ZNF732: variants seen among roughly 807,000 people sequenced by gnomAD.
ZNF732 encodes the protein zinc finger protein LOC654254.
ZNF732 carries 12 observed loss-of-function variants against 11.5 expected under a neutral mutation model. That is an observed-to-expected ratio of 1.05 (90% CI 0.67 to 1.70). The LOEUF is 1.70. Among genes scored for constraint, ZNF732 ranks in the 40% most tolerant of loss-of-function variants. The pLI is 0.00. For synonymous variants in ZNF732, 231 were observed against 236.5 expected, an observed-to-expected ratio of 0.98 and a Z score of 0.21; for missense variants, 702 against 676.9, an observed-to-expected ratio of 1.04 and a Z score of -0.41.
At chr4:279,386 C>T (rs1281382128) in intron 3 of ZNF732, among the ~76,000 whole-genome samples, 4 of 150,770 alleles carry the variant, frequency 2.7e-5, no homozygotes, top group Non-Finnish European at 5.9e-5. Flanking sequence ...GCAGAGCTTG[C>T]AGTGAGCCAA....
chr4:303,912 CTAAA>C (rs1553843954), intron 1 of ZNF732, among the ~76,000 whole-genome samples: 1 of 152,078 alleles, frequency 6.6e-6, no homozygotes, highest in Admixed American at 6.6e-5. Context: ...GCAGGACTGA[CTAAA>C]TAAAAGACTA....
intron 1 of ZNF732, among the ~76,000 whole-genome samples, chr4:304,811 G>C (rs1312650503): frequency 1.3e-5 from 2 of 152,248 alleles, no homozygotes; most frequent in African/African-American, 4.8e-5. Context: ...GCGGGCGGGT[G>C]ATTTGCTTCG....
At chr4:274,429 T>C (rs1268903393) in intron 3 of ZNF732, among the ~76,000 whole-genome samples, 2 of 151,044 alleles carry the variant, frequency 1.3e-5, no homozygotes, top group Non-Finnish European at 3.0e-5. Context: ...AATACAAAAA[T>C]AAAAAAGACT....
intron 3 of ZNF732, among the ~76,000 whole-genome samples, chr4:291,153 T>C (rs1553841298): frequency 6.6e-6 from 1 of 152,196 alleles, no homozygotes; most frequent in Admixed American, 6.5e-5. Context: ...TGCATATATA[T>C]GAAACCCTAG....
intron 1 of ZNF732, among the ~76,000 whole-genome samples, chr4:304,379 G>A (rs1210644241): frequency 1.3e-5 from 2 of 151,974 alleles, no homozygotes; most frequent in African/African-American, 2.4e-5. Flanking sequence ...ACCCGGCCGC[G>A]CCTCCCGCAG....
chr4:271,981 A>G lies in ZNF732; in HGVS notation c.876T>C (p.Asn292=). Residue 292 remains asparagine (N), a synonymous_variant, in exon 4 of 4, where the codon AAT becomes AAC. Coordinates refer to ENST00000419098, the MANE Select transcript of ZNF732 (RefSeq NM_001137608.3). ...ECGKIITSSS[N]VAKHKKIHTG... ...TATGAATTTTCTTATGTTTGGCAAC[A>G]TTTGAGGATGAGGTAATGATTTTGC... 5.0e-6 allele frequency: 8 copies of G among 1,607,292 alleles called. No individual in the cohort carries two copies. The highest frequency in any genetic ancestry group is 6.8e-6 in the Non-Finnish European group (8 of 1,176,696).
intron 3 of ZNF732, among the ~76,000 whole-genome samples, chr4:275,461 A>G (rs985900906): frequency 2.6e-5 from 4 of 151,728 alleles, no homozygotes; most frequent in Non-Finnish European, 4.4e-5. Context: ...CAAAAACAGA[A>G]GCAATCTCAG....
chr4:301,245 T>C (rs1292466825), intron 1 of ZNF732, among the ~76,000 whole-genome samples: 4 of 152,102 alleles, frequency 2.6e-5, no homozygotes, highest in African/African-American at 7.2e-5. Flanking sequence ...TGTGGAGAAA[T>C]AGGAACACTT....
rs782379891 is a variant in ZNF732 at position 305,314 on chromosome 4, C to T, written c.-4G>A. 6.2e-7 allele frequency: 1 copy of T among 1,607,962 alleles called. No homozygotes were observed. The highest frequency in any genetic ancestry group is 8.5e-7 in the Non-Finnish European group (1 of 1,179,812). On this transcript the variant is annotated 5_prime_UTR_variant, in exon 1 of 4. Coordinates refer to ENST00000419098, the MANE Select transcript of ZNF732 (RefSeq NM_001137608.3). ...GCCCTGCCCCCACACTCACCATTTCCCCACTTCAGGGGTGTAGCGGAGTCT... is the reference window on the plus strand; with the variant it reads ...GCCCTGCCCCCACACTCACCATTTCTCCACTTCAGGGGTGTAGCGGAGTCT...
intron 1 of ZNF732, among the ~76,000 whole-genome samples, chr4:302,919 T>A (rs546742366): frequency 6.6e-6 from 1 of 152,308 alleles, no homozygotes; most frequent in Non-Finnish European, 1.5e-5. Context: ...TCCACCTGAG[T>A]TGACTCTCCC....
intron 2 of ZNF732, 64 bp from the exon 3 acceptor site, chr4:295,597 T>C (rs1719932224): frequency 1.5e-6 from 2 of 1,311,434 alleles, no homozygotes; most frequent in Non-Finnish European, 2.1e-6. Flanking sequence ...CCTAATACTA[T>C]ACTAAGTAGA....
chr4:299,416 C>CATATGTGTAT (rs1720041985), intron 1 of ZNF732, among the ~76,000 whole-genome samples: 1 of 56,234 alleles, frequency 1.8e-5, no homozygotes, highest in Non-Finnish European at 3.7e-5. Context: ...TATATATATA[C>CATATGTGTAT]ACATATATAC....
intron 1 of ZNF732, among the ~76,000 whole-genome samples, chr4:298,868 C>A (rs1243830211): frequency 2.0e-5 from 3 of 152,192 alleles, no homozygotes; most frequent in African/African-American, 7.2e-5. Context: ...TGAACTCCCA[C>A]TGCTAAGGTG....
chr4:289,533 T>A (rs1332435762), intron 3 of ZNF732, among the ~76,000 whole-genome samples: 1 of 152,262 alleles, frequency 6.6e-6, no homozygotes, highest in Non-Finnish European at 1.5e-5. Context: ...CACTTTCACC[T>A]GCTTTCTAGA....
intron 3 of ZNF732, among the ~76,000 whole-genome samples, chr4:284,247 A>T (rs1719678745): frequency 6.6e-6 from 1 of 152,210 alleles, no homozygotes; most frequent in African/African-American, 2.4e-5. Flanking sequence ...CAATTTTATA[A>T]ATGAGAAATC....
chr4:270,950 T>C lies in ZNF732; in HGVS notation c.*149A>G, dbSNP rs1307899826. ...TTACATTTGTAGGGTTTTTCTCCAGTATGAATTCTTACTTTCATTCAGGGT... is the reference window on the plus strand; with the variant it reads ...TTACATTTGTAGGGTTTTTCTCCAGCATGAATTCTTACTTTCATTCAGGGT... On this transcript the variant is annotated 3_prime_UTR_variant, in exon 4 of 4. Coordinates refer to ENST00000419098, the MANE Select transcript of ZNF732 (RefSeq NM_001137608.3). 5.0e-6 allele frequency: 4 copies of C among 802,452 alleles called. No homozygotes were observed. The highest frequency in any genetic ancestry group is 1.7e-5 in the African/African-American group (1 of 58,310). 49.7% of individuals were successfully genotyped at this position (802,452 alleles called of 1,614,324 possible).
At chr4:274,797 C>T (rs960934665) in intron 3 of ZNF732, among the ~76,000 whole-genome samples, 3 of 151,558 alleles carry the variant, frequency 2.0e-5, no homozygotes, top group African/African-American at 4.8e-5. Context: ...GAAAGAAGGA[C>T]ATTAAACAAT....
Position 299,448 on chromosome 4 carries a change from T to TACAC in ZNF732, c.4-3294_4-3293insGTGT, listed in dbSNP as rs1370091144. 4.8e-5 allele frequency among the ~76,000 whole-genome samples: 4 copies of TACAC among 83,828 alleles called. 1 individual carries two copies. Among genetic ancestry groups the TACAC allele is most frequent in the East Asian group, 7.0e-4 (2 of 2,840 alleles). The allele number at this position is 83,828 out of a possible 152,430, so 55.0% of individuals were successfully genotyped here. A position where few individuals can be genotyped will look rare whatever the true frequency, so the allele number is the denominator to read the frequency against. ...ATACACATATGTGTATATATATATATATACACATATGTGTATATATATATA... is the reference window on the plus strand; with the variant it reads ...ATACACATATGTGTATATATATATATACACATACACATATGTGTATATATATATA... On this transcript the variant is annotated intron_variant, in intron 1 of 3. Transcript: ENST00000419098.
rs1720212735 is a variant in ZNF732 at position 305,396 on chromosome 4, A to AC, written c.-87dup. Reference sequence around the variant, plus strand: ...CAGAGCGACGGAGGCTGAGGCTGTGACCGAATCACCGACGCCTCCCTGAGG... The same window carrying AC: ...CAGAGCGACGGAGGCTGAGGCTGTGACCCGAATCACCGACGCCTCCCTGAGG... On this transcript the variant is annotated 5_prime_UTR_variant, in exon 1 of 4. Transcript: ENST00000419098. 1 of 1,578,956 alleles carries AC rather than the reference A, an allele frequency of 6.3e-7. No individual in the cohort carries two copies. The highest frequency in any genetic ancestry group is 8.6e-7 in the Non-Finnish European group (1 of 1,160,350).
Sources: allele counts gnomAD v4.1 joint callset (sites outside exome capture counted in the v4.1 genomes callset), GRCh38; gene constraint gnomAD v4.1.1; transcripts MANE v1.5; gene names NCBI Gene and HGNC (gene_info 2026-07-23, HGNC 2026-07-21).